SPOPL: variants seen among roughly 807,000 people sequenced by gnomAD.
SPOPL encodes the protein speckle type BTB/POZ protein like.
In SPOPL, 23 loss-of-function variants were observed where a neutral mutation model predicts 53.8. That is an observed-to-expected ratio of 0.43 (90% CI 0.31 to 0.61). SPOPL has a LOEUF of 0.61. Among genes scored for constraint, SPOPL ranks in the 20% least tolerant of loss-of-function variants. The probability of loss-of-function intolerance (pLI) is 0.12; values close to 1 mark genes in which losing one functional copy is unlikely to be tolerated. For synonymous variants in SPOPL, 164 were observed against 149.7 expected, an observed-to-expected ratio of 1.10 and a Z score of -0.70; for missense variants, 442 against 466.9, an observed-to-expected ratio of 0.95 and a Z score of 0.49.
At chr2:138,553,001 T>A (rs549133157) in intron 5 of SPOPL, among the ~76,000 whole-genome samples, 1 of 152,230 alleles carries the variant, frequency 6.6e-6, no homozygotes, top group East Asian at 1.9e-4. Flanking sequence ...TCTGAGTAAC[T>A]GACATAGATT....
At chr2:138,541,179 A>G (rs1165200623) in intron 1 of SPOPL, among the ~76,000 whole-genome samples, 1 of 152,178 alleles carries the variant, frequency 6.6e-6, no homozygotes, top group Non-Finnish European at 1.5e-5. Context: ...ATCAATGTTC[A>G]TCAGGGATAG....
intron 1 of SPOPL, among the ~76,000 whole-genome samples, chr2:138,517,568 G>A (rs576760375): frequency 6.6e-6 from 1 of 151,544 alleles, no homozygotes; most frequent in Non-Finnish European, 1.5e-5. Context: ...GTGAAACCCC[G>A]TCTGTACTAC....
At chr2:138,565,591 T>G (rs562552160) in intron 10 of SPOPL, among the ~76,000 whole-genome samples, 1 of 152,340 alleles carries the variant, frequency 6.6e-6, no homozygotes, top group Admixed American at 6.5e-5. Context: ...TCATGACTTT[T>G]ATATTCTTTG....
chr2:138,550,839 C>G (rs914384613), intron 3 of SPOPL, 64 bp from the exon 4 acceptor site: 10 of 1,536,896 alleles, frequency 6.5e-6, no homozygotes, highest in African/African-American at 1.4e-5. Flanking sequence ...CTCTCTCTCT[C>G]TCTCTCTCTC....
chr2:138,567,910 G>A (rs1041066698), intron 10 of SPOPL, among the ~76,000 whole-genome samples: 1 of 152,156 alleles, frequency 6.6e-6, no homozygotes, highest in African/African-American at 2.4e-5. Context: ...TTATTGTTTG[G>A]TGAGAGCATA....
intron 1 of SPOPL, among the ~76,000 whole-genome samples, chr2:138,544,400 C>A (rs372384744): frequency 6.6e-6 from 1 of 152,200 alleles, no homozygotes; most frequent in Non-Finnish European, 1.5e-5. Flanking sequence ...GCTTCCAGGC[C>A]GCTTTGTTTA....
At chr2:138,557,982 A>C (rs1198422599) in intron 5 of SPOPL, among the ~76,000 whole-genome samples, 6 of 152,034 alleles carry the variant, frequency 3.9e-5, no homozygotes. Flanking sequence ...AACATGGTGA[A>C]ATGCCTTCTC....
At chr2:138,513,768 T>A (rs1244178516) in intron 1 of SPOPL, among the ~76,000 whole-genome samples, 1 of 151,234 alleles carries the variant, frequency 6.6e-6, no homozygotes, top group Non-Finnish European at 1.5e-5. Flanking sequence ...AATTGGCTTT[T>A]GCATTCTGTT....
intron 10 of SPOPL, among the ~76,000 whole-genome samples, chr2:138,566,623 A>G (rs1312882854): frequency 6.6e-6 from 1 of 152,192 alleles, no homozygotes; most frequent in Non-Finnish European, 1.5e-5. Flanking sequence ...CCAATCTAAT[A>G]ATTTGATGTT....
chr2:138,521,853 G>T (rs1455391378), intron 1 of SPOPL, among the ~76,000 whole-genome samples: 2 of 152,182 alleles, frequency 1.3e-5, no homozygotes, highest in Non-Finnish European at 2.9e-5. Flanking sequence ...AAGTAAGCCA[G>T]TTCCTTAGCA....
At chr2:138,514,369 A>G (rs1430211050) in intron 1 of SPOPL, among the ~76,000 whole-genome samples, 1 of 152,244 alleles carries the variant, frequency 6.6e-6, no homozygotes, top group Non-Finnish European at 1.5e-5. Flanking sequence ...AGGCAATCAG[A>G]TAATGCATTT....
intron 1 of SPOPL, among the ~76,000 whole-genome samples, chr2:138,514,877 G>A (rs560142033): frequency 5.9e-5 from 9 of 152,120 alleles, no homozygotes; most frequent in Non-Finnish European, 8.8e-5. Flanking sequence ...TTGATATTCT[G>A]TCTCATATAT....
At chr2:138,518,892 A>G (rs1276082877) in intron 1 of SPOPL, among the ~76,000 whole-genome samples, 1 of 152,220 alleles carries the variant, frequency 6.6e-6, no homozygotes, top group Non-Finnish European at 1.5e-5. Context: ...GATTATTTCT[A>G]TTTTGTAAAC....
Position 138,560,761 on chromosome 2 carries a change from AC to A in SPOPL, c.715-43del, listed in dbSNP as rs778237376. On this transcript the variant is annotated intron_variant, in intron 7 of 10. Coordinates refer to ENST00000280098, the MANE Select transcript of SPOPL (RefSeq NM_001001664.3). ...GATTCACTTTGGTTCATTTGTGTGT[AC>A]TTTTTTTTTTTTTAACATTTTTGTG... 2.2e-5 allele frequency: 32 copies of A among 1,488,172 alleles called. No homozygotes were observed. The South Asian group carries it at 3.9e-4, about 18-fold the overall frequency. 92.2% of individuals were successfully genotyped at this position (1,488,172 alleles called of 1,614,324 possible).
chr2:138,528,867 G>A (rs1249495298), intron 1 of SPOPL, among the ~76,000 whole-genome samples: 3 of 152,070 alleles, frequency 2.0e-5, no homozygotes, highest in Non-Finnish European at 4.4e-5. Flanking sequence ...TTGCGACCTA[G>A]TTTACTTATC....
chr2:138,558,652 G>A (rs1202188129), intron 5 of SPOPL, among the ~76,000 whole-genome samples: 1 of 151,954 alleles, frequency 6.6e-6, no homozygotes, highest in East Asian at 1.9e-4. Flanking sequence ...AGGTAGGTTT[G>A]AAGTGTAAGA....
At chr2:138,537,537 G>A (rs1178392184) in intron 1 of SPOPL, among the ~76,000 whole-genome samples, 2 of 152,172 alleles carry the variant, frequency 1.3e-5, no homozygotes, top group Non-Finnish European at 2.9e-5. Flanking sequence ...TTTCATTTCT[G>A]CCTTTTAGTT....
rs58220797 is a variant in SPOPL, at chr2:138,521,365, CTT to C, written c.-61+19262_-61+19263del. Among the ~76,000 whole-genome samples the C allele has an allele frequency of 9.8e-3, 1,315 of 134,766 alleles. 15 individuals are homozygous for C. The highest frequency in any genetic ancestry group is 0.033 in the African/African-American group (1,213 of 36,942). 88.4% of individuals were successfully genotyped at this position (134,766 alleles called of 152,430 possible). On this transcript the variant is annotated intron_variant, in intron 1 of 10. Transcript: ENST00000280098. Reference sequence around the variant, plus strand: ...GTATCTCAGCACGTGGACCCCAGAGCTTTTTTTTTTTTTTTTTCCATTTTTAC... The same window carrying C: ...GTATCTCAGCACGTGGACCCCAGAGCTTTTTTTTTTTTTTTCCATTTTTAC...
At chr2:138,529,580 C>T (rs1684762771) in intron 1 of SPOPL, among the ~76,000 whole-genome samples, 1 of 151,210 alleles carries the variant, frequency 6.6e-6, no homozygotes, top group African/African-American at 2.4e-5. Flanking sequence ...CATTAGTCAA[C>T]TTCTCTGTTT....
Sources: allele counts gnomAD v4.1 joint callset (sites outside exome capture counted in the v4.1 genomes callset), GRCh38; gene constraint gnomAD v4.1.1; transcripts MANE v1.5; gene names NCBI Gene and HGNC (gene_info 2026-07-23, HGNC 2026-07-21).